EFCAB13: variants seen among roughly 807,000 people sequenced by gnomAD.
EFCAB13 encodes EF-hand calcium-binding domain-containing protein 13.
A neutral mutation model predicts 110.2 loss-of-function variants in EFCAB13; 91 were observed. The ratio of observed to expected loss-of-function variants is 0.83; its 90% CI spans 0.70 to 0.98. The LOEUF is 0.98. Ranked by LOEUF, EFCAB13 falls within the 50% of genes least tolerant of loss-of-function variation. EFCAB13 has a pLI of 0.00. For missense variants in EFCAB13, 968 were observed against 1,119.4 expected, an observed-to-expected ratio of 0.86 and a Z score of 1.93; for synonymous variants, 323 against 369.9, an observed-to-expected ratio of 0.87 and a Z score of 1.45.
At chr17:47,385,129 C>T (rs1265147115) in intron 14 of EFCAB13, among the ~76,000 whole-genome samples, 4 of 152,126 alleles carry the variant, frequency 2.6e-5, no homozygotes, top group Admixed American at 2.6e-4. Context: ...CTTAGGGTTG[C>T]TCTTCTCAAG....
chr17:47,363,868 C>T (rs1798623723), intron 10 of EFCAB13, among the ~76,000 whole-genome samples: 1 of 152,020 alleles, frequency 6.6e-6, no homozygotes, highest in South Asian at 2.1e-4. Context: ...CTTAGGAAGT[C>T]AGGTATGGTG....
chr17:47,384,442 G>A (rs1228359713), intron 14 of EFCAB13, among the ~76,000 whole-genome samples: 1 of 149,454 alleles, frequency 6.7e-6, no homozygotes, highest in Non-Finnish European at 1.5e-5. Flanking sequence ...TTTTTTTGCA[G>A]TGGCTGGTAT....
intron 14 of EFCAB13, among the ~76,000 whole-genome samples, chr17:47,391,020 G>A (rs546343560): frequency 7.2e-5 from 11 of 152,088 alleles, no homozygotes; most frequent in African/African-American, 2.2e-4. Context: ...GCTCACCTCA[G>A]CCTTCATCTT....
chr17:47,415,722 C>G (rs754263017), intron 23 of EFCAB13, among the ~76,000 whole-genome samples: 1 of 152,172 alleles, frequency 6.6e-6, no homozygotes, highest in Non-Finnish European at 1.5e-5. Flanking sequence ...ACTGGACTGC[C>G]CATCTATTTC....
intron 24 of EFCAB13, among the ~76,000 whole-genome samples, chr17:47,433,707 A>T (rs1905161040): frequency 6.6e-6 from 1 of 152,070 alleles, no homozygotes; most frequent in Non-Finnish European, 1.5e-5. Context: ...GGCAGGGACG[A>T]TTTATTCCTT....
intron 20 of EFCAB13, chr17:47,409,211 T>C (rs373331906): frequency 6.2e-6 from 1 of 161,008 alleles, no homozygotes; most frequent in Non-Finnish European, 1.4e-5. Flanking sequence ...TATAATGTAA[T>C]ACCCATTCAT....
chr17:47,392,411 C>A (rs1004832069), intron 15 of EFCAB13, among the ~76,000 whole-genome samples: 1 of 151,718 alleles, frequency 6.6e-6, no homozygotes, highest in African/African-American at 2.4e-5. Flanking sequence ...CTAAGAATAG[C>A]TAAAGCACTC....
intron 17 of EFCAB13, among the ~76,000 whole-genome samples, chr17:47,401,733 C>A (rs9895746): frequency 0.52 from 77,350 of 149,688 alleles, 20,480 homozygotes; most frequent in Middle Eastern, 0.56. Flanking sequence ...CAACCTCCAC[C>A]TCCCCAGTTC....
chr17:47,346,449 A>C (rs1339803357), intron 8 of EFCAB13, among the ~76,000 whole-genome samples: 4 of 73,662 alleles, frequency 5.4e-5, no homozygotes, highest in South Asian at 4.5e-4. Context: ...CCCCCCATTT[A>C]TCTGACATTT....
At chr17:47,397,374 CCCAGCCGCCTGCCTT>C (rs2065746365) in intron 17 of EFCAB13, among the ~76,000 whole-genome samples, 1 of 152,132 alleles carries the variant, frequency 6.6e-6, no homozygotes, top group Non-Finnish European at 1.5e-5. Context: ...ACCTCCACCT[CCCAGCCGCCTGCCTT>C]GGCCTCCCAA....
chr17:47,385,754 G>A (rs1017151679), intron 14 of EFCAB13, among the ~76,000 whole-genome samples: 1 of 152,134 alleles, frequency 6.6e-6, no homozygotes, highest in East Asian at 1.9e-4. Flanking sequence ...CAGCGTTTTT[G>A]TGCTGGTTTG....
chr17:47,397,232 T>C (rs2065744805), intron 17 of EFCAB13, among the ~76,000 whole-genome samples: 2 of 152,212 alleles, frequency 1.3e-5, no homozygotes, highest in Admixed American at 1.3e-4. Flanking sequence ...CGGGCTGGTC[T>C]CCAGCTCCTA....
chr17:47,386,720 C>T (rs1241009910), intron 14 of EFCAB13, among the ~76,000 whole-genome samples: 1 of 152,172 alleles, frequency 6.6e-6, no homozygotes, highest in Admixed American at 6.5e-5. Context: ...TCAGCCCAAA[C>T]AGCCGCCCAG....
At chr17:47,409,738 AT>A in intron 21 of EFCAB13, 47 bp downstream of exon 21, 1 of 1,400,460 alleles carries the variant, frequency 7.1e-7, no homozygotes, top group Non-Finnish European at 1.0e-6. Flanking sequence ...AATAAGAGAT[AT>A]TTTTTAGAAT....
chr17:47,384,160 T>G (rs1177321843), intron 14 of EFCAB13, among the ~76,000 whole-genome samples: 3 of 147,144 alleles, frequency 2.0e-5, no homozygotes, highest in African/African-American at 5.1e-5. Context: ...TTTTTTTTGT[T>G]TTTTTTTTTT....
chr17:47,391,277 CT>C (rs1360315490), intron 14 of EFCAB13, among the ~76,000 whole-genome samples, 159 bp from the exon 15 acceptor site: 3 of 152,040 alleles, frequency 2.0e-5, no homozygotes, highest in African/African-American at 7.2e-5. Context: ...TTGATACTTA[CT>C]TTTTTTATTA....
chr17:47,336,693 C>T (rs927646366), intron 5 of EFCAB13, among the ~76,000 whole-genome samples: 2 of 151,088 alleles, frequency 1.3e-5, no homozygotes, highest in Non-Finnish European at 2.9e-5. Context: ...CCCGCCTGAG[C>T]CTCCCAAAGT....
At chr17:47,438,615 CAT>C (rs2143531674) in intron 24 of EFCAB13, among the ~76,000 whole-genome samples, 1 of 151,552 alleles carries the variant, frequency 6.6e-6, no homozygotes, top group Non-Finnish European at 1.5e-5. Context: ...GAGCATTTTG[CAT>C]TTCTAAAAGC....
intron 14 of EFCAB13, among the ~76,000 whole-genome samples, chr17:47,381,750 G>C (rs1031095844): frequency 6.6e-5 from 10 of 152,160 alleles, no homozygotes; most frequent in Non-Finnish European, 8.8e-5. Flanking sequence ...TTGCTGTTTT[G>C]ATTACTGTAG....
Sources: allele counts gnomAD v4.1 joint callset (sites outside exome capture counted in the v4.1 genomes callset), GRCh38; gene constraint gnomAD v4.1.1; transcripts MANE v1.5; gene names NCBI Gene and HGNC (gene_info 2026-07-23, HGNC 2026-07-21).